The following DRC4 variants were observed in gnomAD, a reference collection of about 807,000 sequenced individuals.
DRC4 encodes dynein regulatory complex subunit 4.
chr16:90,040,952 T>C, the DRC4 span, among the ~76,000 whole-genome samples: 74 of 152,152 alleles, frequency 4.9e-4, no homozygotes, highest in African/African-American at 1.0e-3. Context: ...GTAGTGAGGC[T>C]GTATAGGAGG....
At chr16:90,022,496 C>G in the DRC4 span, 193,675 of 470,492 alleles carry the variant, frequency 0.41, 45,058 homozygotes, top group East Asian at 0.84. Flanking sequence ...CAGCGAAAGG[C>G]TTCTGGGCTG....
the DRC4 span, chr16:90,043,304 C>T: frequency 6.2e-7 from 1 of 1,612,710 alleles, no homozygotes; most frequent in Non-Finnish European, 8.5e-7. Flanking sequence ...CGGACAGACA[C>T]TGGGCCAGGG....
the DRC4 span, chr16:90,043,412 A>G: frequency 7.0e-7 from 1 of 1,418,702 alleles, no homozygotes; most frequent in Non-Finnish European, 9.6e-7. Context: ...ACCCCTTATC[A>G]CACCAAGGAC....
chr16:90,033,354 T>G, the DRC4 span, among the ~76,000 whole-genome samples: 1 of 152,194 alleles, frequency 6.6e-6, no homozygotes. Flanking sequence ...GCTGGGGGTT[T>G]CCAGGGCACC....
the DRC4 span, chr16:90,043,445 A>T: frequency 1.7e-6 from 2 of 1,201,086 alleles, no homozygotes; most frequent in Non-Finnish European, 2.3e-6. Flanking sequence ...AGATTTTATC[A>T]TCAGCAAATG....
At chr16:90,023,923 C>G in the DRC4 span, among the ~76,000 whole-genome samples, 336 of 143,060 alleles carry the variant, frequency 2.3e-3, 10 homozygotes, top group African/African-American at 8.6e-3. Flanking sequence ...ACCTGGGAGG[C>G]GGAGGTTGCA....
chr16:90,033,476 G>A, the DRC4 span, among the ~76,000 whole-genome samples: 1 of 152,198 alleles, frequency 6.6e-6, no homozygotes, highest in African/African-American at 2.4e-5. Flanking sequence ...TAGCTTGGGT[G>A]AAATAGTTGA....
At chr16:90,044,469 C>A in the DRC4 span, 1 of 469,806 alleles carries the variant, frequency 2.1e-6, no homozygotes. Context: ...GAGTCATGAG[C>A]CTCAGCCCCC....
chr16:90,040,280 C>T, the DRC4 span: 1 of 1,558,536 alleles, frequency 6.4e-7, no homozygotes, highest in African/African-American at 1.4e-5. Context: ...CATCGCCCAC[C>T]CCCAGCGCTG....
the DRC4 span, chr16:90,028,934 A>C: frequency 7.7e-7 from 1 of 1,299,522 alleles, no homozygotes; most frequent in Admixed American, 2.3e-5. Context: ...TTTATTTTAC[A>C]TGCAGGCAAA....
At chr16:90,038,173 C>T in the DRC4 span, among the ~76,000 whole-genome samples, 4 of 152,168 alleles carry the variant, frequency 2.6e-5, no homozygotes, top group African/African-American at 9.7e-5. Flanking sequence ...TTCGTCCCCT[C>T]GAGAGCTCAC....
At chr16:90,031,648 C>A in the DRC4 span, 3 of 813,044 alleles carry the variant, frequency 3.7e-6, no homozygotes, top group African/African-American at 1.7e-5. Flanking sequence ...AGGGAGAGAC[C>A]CTGCAGGTCC....
the DRC4 span, chr16:90,037,820 A>G: frequency 6.2e-7 from 1 of 1,614,144 alleles, no homozygotes; most frequent in Non-Finnish European, 8.5e-7. Flanking sequence ...CAGTGGGAGC[A>G]TGAAGTGTTA....
the DRC4 span, chr16:90,019,713 C>A: frequency 1.6e-6 from 1 of 609,774 alleles, no homozygotes; most frequent in Non-Finnish European, 2.9e-6. The surrounding 1 kb of genome is among the most constrained non-coding windows in gnomAD (Gnocchi z 6.1). Flanking sequence ...GCGTCCGGGG[C>A]TCCTGCGCAC....
the DRC4 span, chr16:90,032,903 G>A: frequency 1.9e-6 from 3 of 1,613,704 alleles, no homozygotes; most frequent in Non-Finnish European, 2.5e-6. Flanking sequence ...CCAGTGAGGT[G>A]GTGGTGAAGA....
chr16:90,023,363 G>A, the DRC4 span, among the ~76,000 whole-genome samples: 1 of 152,170 alleles, frequency 6.6e-6, no homozygotes, highest in South Asian at 2.1e-4. Context: ...GGCCTCATCA[G>A]CTCCATGTCT....
chr16:90,042,944 G>A, the DRC4 span: 4 of 533,252 alleles, frequency 7.5e-6, no homozygotes. Flanking sequence ...TCTGCCCTGA[G>A]TGTCCCTGCC....
chr16:90,030,483 G>C, the DRC4 span, among the ~76,000 whole-genome samples: 1 of 151,250 alleles, frequency 6.6e-6, no homozygotes, highest in Non-Finnish European at 1.5e-5. Context: ...TGGGACTATA[G>C]GCATGTGCCA....
chr16:90,030,229 A>G, the DRC4 span, among the ~76,000 whole-genome samples: 2 of 152,074 alleles, frequency 1.3e-5, no homozygotes, highest in Non-Finnish European at 2.9e-5. Flanking sequence ...TTTTTCATTT[A>G]GCATTATGAT....
Sources: gnomAD v4.1 joint callset for allele counts (sites outside exome capture counted in the v4.1 genomes callset) on GRCh38, gnomAD v4.1.1 for gene constraint, Gnocchi (gnomAD v3.1) non-coding constraint, MANE v1.5 for transcripts, NCBI Gene and HGNC (gene_info 2026-07-23, HGNC 2026-07-21) for gene names.